The following RIC8B variants were observed in gnomAD, a reference collection of about 807,000 sequenced individuals.
RIC8B encodes the protein chaperone Ric-8B.
RIC8B carries 16 observed loss-of-function variants against 57.5 expected under a neutral mutation model. That is an observed-to-expected ratio of 0.28 (90% CI 0.19 to 0.42). The LOEUF (loss-of-function observed/expected upper bound fraction) is 0.42. Ranked by LOEUF, RIC8B falls within the 10% of genes least tolerant of loss-of-function variation. The pLI is 1.00. For missense variants in RIC8B, 481 were observed against 677.0 expected (o/e 0.71, Z 3.21); for synonymous variants, 216 against 250.8 (o/e 0.86, Z 1.31).
chr12:106,776,604 C>T (rs751161887), intron 1 of RIC8B, among the ~76,000 whole-genome samples: 3 of 152,188 alleles, frequency 2.0e-5, no homozygotes, highest in Non-Finnish European at 4.4e-5. Context: ...GATTTGCTTC[C>T]TCCAATTTAT....
At chr12:106,823,684 ATT>A (rs375444524) in intron 3 of RIC8B, among the ~76,000 whole-genome samples, 10 of 142,920 alleles carry the variant, frequency 7.0e-5, no homozygotes, top group East Asian at 4.0e-4. Flanking sequence ...ATATGAGATA[ATT>A]TTTTTTTTTT....
At chr12:106,798,101 A>G (rs748033117) in intron 2 of RIC8B, 28 of 715,768 alleles carry the variant, frequency 3.9e-5, no homozygotes, top group Non-Finnish European at 6.8e-5. Flanking sequence ...CTAGTGAAGA[A>G]GATAGCTGTG....
At chr12:106,863,732 A>T (rs1950029288) in intron 8 of RIC8B, among the ~76,000 whole-genome samples, 1 of 152,044 alleles carries the variant, frequency 6.6e-6, no homozygotes, top group Non-Finnish European at 1.5e-5. Flanking sequence ...AAAAGACCAG[A>T]GGTAAAAGAG....
At chr12:106,775,098 C>G (rs2043394236) in intron 1 of RIC8B, among the ~76,000 whole-genome samples, 1 of 152,196 alleles carries the variant, frequency 6.6e-6, no homozygotes, top group South Asian at 2.1e-4. Flanking sequence ...CAAGTCACAC[C>G]CCCGGAATCC....
At chr12:106,783,602 A>G (rs1346351606) in intron 1 of RIC8B, among the ~76,000 whole-genome samples, 1 of 152,188 alleles carries the variant, frequency 6.6e-6, no homozygotes, top group Admixed American at 6.5e-5. Flanking sequence ...CCAGTCTCAC[A>G]AAGTTGCTTA....
chr12:106,803,870 G>T (rs532914910), intron 2 of RIC8B, among the ~76,000 whole-genome samples: 5 of 152,250 alleles, frequency 3.3e-5, no homozygotes, highest in African/African-American at 1.2e-4. Context: ...TCTTAGAAAT[G>T]CAAAATTTTA....
intron 4 of RIC8B, among the ~76,000 whole-genome samples, chr12:106,841,593 T>C (rs568458710): frequency 6.6e-6 from 1 of 152,270 alleles, no homozygotes; most frequent in African/African-American, 2.4e-5. Context: ...GACTTTTAAA[T>C]TGCATTTGCA....
At chr12:106,849,640 A>G (rs931740135) in intron 6 of RIC8B, among the ~76,000 whole-genome samples, 2 of 152,094 alleles carry the variant, frequency 1.3e-5, no homozygotes, top group African/African-American at 2.4e-5. Flanking sequence ...TAAAATCACT[A>G]GCCTGAAAAG....
chr12:106,815,660 A>G (rs2045542592), intron 3 of RIC8B, among the ~76,000 whole-genome samples: 1 of 152,214 alleles, frequency 6.6e-6, no homozygotes. Context: ...AGCTATAGGC[A>G]TTTTCAGTGG....
rs146622028 is a variant in RIC8B at position 106,860,843 on chromosome 12, T to A, written c.1451+431T>A. Among the ~76,000 whole-genome samples the A allele has an allele frequency of 3.6e-3, 553 of 152,156 alleles. 2 individuals are homozygous for A. The highest frequency in any genetic ancestry group is 0.013 in the African/African-American group (540 of 41,522). ...CCCCTTGCATAAAAGCCCTTATAAG[T>A]CAGTAAAATAGGCAACAAGACACAT... On this transcript the variant is annotated intron_variant, in intron 8 of 9. Transcript: ENST00000392837.
intron 9 of RIC8B, among the ~76,000 whole-genome samples, chr12:106,877,191 G>A (rs909385783): frequency 1.3e-5 from 2 of 151,938 alleles, no homozygotes; most frequent in South Asian, 2.1e-4. Context: ...TTCCATATAC[G>A]TTATCTCCAT....
chr12:106,817,787 T>C (rs2045643697), intron 3 of RIC8B, among the ~76,000 whole-genome samples: 1 of 143,646 alleles, frequency 7.0e-6, no homozygotes, highest in South Asian at 2.2e-4. Flanking sequence ...ATCGCGCCAC[T>C]GCACTCCAGC....
rs1483370028 is a variant in RIC8B, at chr12:106,867,824, C to T, written c.1452-2999C>T. The stretch of plus-strand genomic sequence containing the variant: ...TTGTGTTTTCTGTGGCTTTTGTTTA[C>T]ATTCTTCCGAATATCCAGGGGAAAA... On this transcript the variant is annotated intron_variant, in intron 8 of 9. Transcript: ENST00000392837. This position sits in a 1 kb window ranked among gnomAD's most constrained non-coding sequence, Gnocchi z 4.3. 6.6e-6 allele frequency among the ~76,000 whole-genome samples: 1 copy of T among 152,104 alleles called. No individual in the cohort carries two copies. Among genetic ancestry groups the T allele is most frequent in the East Asian group, 1.9e-4 (1 of 5,192 alleles).
intron 2 of RIC8B, among the ~76,000 whole-genome samples, chr12:106,810,659 G>A (rs1458460611): frequency 2.7e-5 from 4 of 149,370 alleles, no homozygotes; most frequent in Non-Finnish European, 6.0e-5. Context: ...CTGTAAAAAA[G>A]CAAAGAAGCT....
chr12:106,786,768 T>A (rs911583071), intron 2 of RIC8B, among the ~76,000 whole-genome samples: 2 of 152,192 alleles, frequency 1.3e-5, no homozygotes, highest in African/African-American at 4.8e-5. Flanking sequence ...AGAAAGAGAT[T>A]TGCTGTATGT....
chr12:106,887,622 C>T lies in RIC8B; in HGVS notation c.*1607C>T, dbSNP rs917472414. The stretch of plus-strand genomic sequence containing the variant: ...ATACGCTTCCAACATGTTTTATTAG[C>T]TGGCTTTGAAGCTCACAAAAGAATG... On this transcript the variant is annotated 3_prime_UTR_variant, in exon 10 of 10. Coordinates refer to ENST00000392837, the MANE Select transcript of RIC8B (RefSeq NM_001330145.2). The T allele has an allele frequency of 2.0e-5, 3 of 152,186 alleles. No individual in the cohort carries two copies. Among genetic ancestry groups the T allele is most frequent in the African/African-American group, 7.2e-5 (3 of 41,434 alleles). The allele number at this position is 152,186 out of a possible 1,614,324, so 9.4% of individuals were successfully genotyped here.
At position 106,847,027 on chromosome 12, in the gene RIC8B, C is replaced by T. The variant is rs545167063; in HGVS notation, c.1161+3080C>T. On this transcript the variant is annotated intron_variant, in intron 6 of 9. Coordinates refer to ENST00000392837, the MANE Select transcript of RIC8B (RefSeq NM_001330145.2). Reference sequence around the variant, plus strand: ...TGGAACCTTGATTTATTATTATGCCCTGTAGTAAATACCTGGTTAAATCCA... The same window carrying T: ...TGGAACCTTGATTTATTATTATGCCTTGTAGTAAATACCTGGTTAAATCCA... Among the ~76,000 whole-genome samples the T allele has an allele frequency of 6.2e-4, 95 of 152,250 alleles. 1 individual carries two copies. The highest frequency in any genetic ancestry group is 1.0e-4 in the Non-Finnish European group (7 of 67,996).
intron 4 of RIC8B, among the ~76,000 whole-genome samples, chr12:106,840,901 A>G (rs1948916456): frequency 6.6e-6 from 1 of 152,184 alleles, no homozygotes; most frequent in Non-Finnish European, 1.5e-5. Context: ...TAGGGAAAAA[A>G]TCATAACATT....
At chr12:106,775,358 T>C (rs1217094444) in intron 1 of RIC8B, 1 of 456,040 alleles carries the variant, frequency 2.2e-6, no homozygotes, top group East Asian at 6.9e-5. Context: ...ATCCTCCCCA[T>C]TTTATAGATG....
Sources: gnomAD v4.1 joint callset for allele counts (sites outside exome capture counted in the v4.1 genomes callset) on GRCh38, gnomAD v4.1.1 for gene constraint, Gnocchi (gnomAD v3.1) non-coding constraint, MANE v1.5 for transcripts, NCBI Gene and HGNC (gene_info 2026-07-23, HGNC 2026-07-21) for gene names.